Variants in SCN10A observed in about 807,000 individuals in gnomAD.
SCN10A encodes the protein sodium voltage-gated channel alpha subunit 10, also known as sodium channel protein type 10 subunit alpha.
In SCN10A, 162 loss-of-function variants were observed where a neutral mutation model predicts 170.7. That is an observed-to-expected ratio of 0.95 (90% confidence interval 0.84 to 1.08). The LOEUF (loss-of-function observed/expected upper bound fraction) is 1.08. SCN10A is among the 50% of genes least tolerant of loss of function. The probability of loss-of-function intolerance (pLI) is 0.00; values close to 1 mark genes in which losing one functional copy is unlikely to be tolerated. For missense variants in SCN10A, 2,527 were observed against 2,436.9 expected, an observed-to-expected ratio of 1.04 and a Z score of -0.78; for synonymous variants, 985 against 904.6, an observed-to-expected ratio of 1.09 and a Z score of -1.59.
intron 1 of SCN10A, among the ~76,000 whole-genome samples, chr3:38,794,844 G>A (rs141281250): frequency 1.4e-3 from 218 of 152,232 alleles, no homozygotes; most frequent in African/African-American, 5.1e-3. Flanking sequence ...GTAAGCCAAT[G>A]ACCATATTTC....
chr3:38,724,653 T>C (rs527529994), intron 18 of SCN10A, among the ~76,000 whole-genome samples: 2 of 152,232 alleles, frequency 1.3e-5, no homozygotes, highest in Non-Finnish European at 2.9e-5. Flanking sequence ...GAAAACTTCT[T>C]CATCTGTGAG....
chr3:38,710,631 G>C (rs2063263100), intron 24 of SCN10A, among the ~76,000 whole-genome samples: 1 of 152,160 alleles, frequency 6.6e-6, no homozygotes. Flanking sequence ...ACCTCGAGAA[G>C]CCTGGGGAGT....
chr3:38,740,729 G>C (rs2063622010), intron 14 of SCN10A, among the ~76,000 whole-genome samples: 1 of 152,172 alleles, frequency 6.6e-6, no homozygotes, highest in Admixed American at 6.5e-5. Context: ...TTGTGACACT[G>C]AAATAACATT....
chr3:38,747,977 C>G (rs1420812383), intron 13 of SCN10A, among the ~76,000 whole-genome samples: 1 of 152,166 alleles, frequency 6.6e-6, no homozygotes, highest in Non-Finnish European at 1.5e-5. Context: ...AAGCTTATAT[C>G]AGTTCACCAC....
chr3:38,742,499 G>A lies in SCN10A; in HGVS notation c.1898C>T (p.Pro633Leu), dbSNP rs760993327. Residue 633 changes from proline (P) to leucine (L), a missense_variant, in exon 14 of 28, where the codon CCC becomes CTC. Coordinates refer to ENST00000449082, the MANE Select transcript of SCN10A (RefSeq NM_006514.4). ...ELEESEQKCPPCLTSLSQKYL... is the reference protein window; with the variant it reads ...ELEESEQKCPLCLTSLSQKYL... ...CTTCTGAGACAAGCTGGTCAAGCAGGGTGGGCACTTCTGTTCAGACTCCTC... is the reference window on the plus strand; with the variant it reads ...CTTCTGAGACAAGCTGGTCAAGCAGAGTGGGCACTTCTGTTCAGACTCCTC... 2 of 1,614,134 alleles carry A rather than the reference G, an allele frequency of 1.2e-6. No individual in the cohort carries two copies. Among genetic ancestry groups the A allele is most frequent in the Non-Finnish European group, 1.7e-6 (2 of 1,180,026 alleles).
At chr3:38,779,519 T>G (rs2064113526) in intron 4 of SCN10A, among the ~76,000 whole-genome samples, 2 of 152,044 alleles carry the variant, frequency 1.3e-5, no homozygotes, top group African/African-American at 4.8e-5. Context: ...TTTTTCTATT[T>G]TGTAATTTAT....
intron 1 of SCN10A, 30 bp from the exon 2 acceptor site, chr3:38,794,072 G>C: frequency 2.0e-6 from 3 of 1,502,126 alleles, no homozygotes; most frequent in Non-Finnish European, 2.8e-6. Context: ...CCACAGAGAG[G>C]TGACAGCTTG....
chr3:38,727,513 T>C (rs188068490), intron 16 of SCN10A, among the ~76,000 whole-genome samples: 89 of 152,254 alleles, frequency 5.8e-4, no homozygotes, highest in Non-Finnish European at 1.2e-3. Context: ...GGGGTAAACT[T>C]CCTGTCTGAG....
At chr3:38,803,072 G>A (rs1446962314) in intron 1 of SCN10A, among the ~76,000 whole-genome samples, 1 of 152,212 alleles carries the variant, frequency 6.6e-6, no homozygotes, top group African/African-American at 2.4e-5. Context: ...CTGGCCATCA[G>A]AGAAATGCAA....
chr3:38,815,733 C>T (rs1416785058), intron 1 of SCN10A, among the ~76,000 whole-genome samples: 1 of 152,208 alleles, frequency 6.6e-6, no homozygotes, highest in Admixed American at 6.5e-5. Context: ...TTTATATCAA[C>T]ACAACTCTTT....
chr3:38,731,504 G>A (rs1013796860), intron 15 of SCN10A, among the ~76,000 whole-genome samples: 6 of 152,142 alleles, frequency 3.9e-5, no homozygotes, highest in African/African-American at 1.4e-4. Flanking sequence ...AACTCAAACT[G>A]TGTTCCAAAG....
chr3:38,717,248 T>C (rs182070940), intron 21 of SCN10A, among the ~76,000 whole-genome samples: 40 of 151,820 alleles, frequency 2.6e-4, no homozygotes, highest in Admixed American at 1.6e-3. Context: ...GATGGATGGA[T>C]GTTTGGGAGG....
chr3:38,769,301 C>T (rs12631918), intron 5 of SCN10A, among the ~76,000 whole-genome samples: 67,177 of 140,508 alleles, frequency 0.48, 17,290 homozygotes, highest in Middle Eastern at 0.58. Context: ...TGCAATGGCG[C>T]GATCTCAGCT....
intron 1 of SCN10A, among the ~76,000 whole-genome samples, chr3:38,806,209 T>C (rs1178161659): frequency 6.6e-6 from 1 of 152,096 alleles, no homozygotes; most frequent in Non-Finnish European, 1.5e-5. Context: ...AGAAAGTGCC[T>C]AATAGGGCAC....
At position 38,760,713 on chromosome 3, in the gene SCN10A, G is replaced by A. The variant is rs769023489; in HGVS notation, c.918C>T (p.Asp306=). The stretch of plus-strand genomic sequence containing the variant: ...CAGATCCATTGCCACACAGTAAGGG[G>A]TCAGAAGTGCCTCGCTTATTTATGT... ...DIYINKRGTS[D]PLLCGNGSDS... Residue 306 remains aspartate, a synonymous_variant, in exon 8 of 28, where the codon GAC becomes GAT. Coordinates refer to ENST00000449082, the MANE Select transcript of SCN10A (RefSeq NM_006514.4). 1.2e-6 allele frequency: 2 copies of A among 1,614,040 alleles called. No homozygotes were observed. Among genetic ancestry groups the A allele is most frequent in the Non-Finnish European group, 1.7e-6 (2 of 1,179,884 alleles).
rs1434568924 is a variant in SCN10A at position 38,712,425 on chromosome 3, C to T, written c.3825G>A (p.Val1275=). 6.2e-7 allele frequency: 1 copy of T among 1,613,908 alleles called. No individual in the cohort carries two copies. The highest frequency in any genetic ancestry group is 8.5e-7 in the Non-Finnish European group (1 of 1,179,800). ...EGMRVVVDAL[V]GAIPSIMNVL... ...CATTCATGATGGATGGGATGGCGCC[C>T]ACCAGGGCATCCACCACCACCTGGT... Residue 1275 remains valine (V), a synonymous_variant, in exon 23 of 28, where the codon GTG becomes GTA. Coordinates refer to ENST00000449082, the MANE Select transcript of SCN10A (RefSeq NM_006514.4).
Position 38,755,796 on chromosome 3 carries a change from G to GCTGGTTGTAA in SCN10A, c.1443_1452dup (p.Arg485LeufsTer19). 2 of 1,613,582 alleles carry GCTGGTTGTAA rather than the reference G, an allele frequency of 1.2e-6. No homozygotes were observed. Among genetic ancestry groups the GCTGGTTGTAA allele is most frequent in the Non-Finnish European group, 1.7e-6 (2 of 1,180,002 alleles). On this transcript the variant is annotated frameshift_variant, in exon 11 of 28. Transcript: ENST00000449082. LOFTEE classifies it high-confidence loss of function. ...AAACCTGAGCCTCTTACCATCCTGCGCTGGTTGTAAGGATCAGAGCGGGGT... is the reference window on the plus strand; with the variant it reads ...AAACCTGAGCCTCTTACCATCCTGCGCTGGTTGTAACTGGTTGTAAGGATCAGAGCGGGGT...
chr3:38,812,769 C>T (rs886795782), intron 1 of SCN10A, among the ~76,000 whole-genome samples: 6 of 152,166 alleles, frequency 3.9e-5, no homozygotes, highest in African/African-American at 1.4e-4. Context: ...CATGGTAGCT[C>T]ACACCTGTAA....
At chr3:38,705,989 G>A (rs2063206716) in intron 26 of SCN10A, among the ~76,000 whole-genome samples, 1 of 152,108 alleles carries the variant, frequency 6.6e-6, no homozygotes, top group South Asian at 2.1e-4. Context: ...TGAGCCTAAG[G>A]ACTTTTGCTC....
Sources: allele counts gnomAD v4.1 joint callset (sites outside exome capture counted in the v4.1 genomes callset), GRCh38; gene constraint gnomAD v4.1.1; transcripts MANE v1.5; gene names NCBI Gene and HGNC (gene_info 2026-07-23, HGNC 2026-07-21).